The following SLC26A8 variants were observed in gnomAD, a reference collection of about 807,000 sequenced individuals.
The protein encoded by SLC26A8 is testis anion transporter 1.
In SLC26A8, 70 loss-of-function variants were observed where a neutral mutation model predicts 105.0. The ratio of observed to expected loss-of-function variants is 0.67; its 90% CI spans 0.55 to 0.81. The LOEUF is 0.81. SLC26A8 is among the 40% of genes least tolerant of loss of function. The pLI is 0.00. For missense variants in SLC26A8, 998 were observed against 1,181.8 expected (o/e 0.84, Z 2.28); for synonymous variants, 415 against 438.3 (o/e 0.95, Z 0.66).
intron 9 of SLC26A8, among the ~76,000 whole-genome samples, chr6:35,975,868 G>A (rs1361556999): frequency 7.3e-6 from 1 of 137,168 alleles, no homozygotes; most frequent in Non-Finnish European, 1.5e-5. Flanking sequence ...AGCCGAGATT[G>A]CACCATTGCA....
chr6:35,969,774 T>G (rs1364498525), intron 10 of SLC26A8: 1 of 152,122 alleles, frequency 6.6e-6, no homozygotes, highest in African/African-American at 2.4e-5. Flanking sequence ...ACTTCCCATT[T>G]TCCTGCTTTA....
intron 8 of SLC26A8, among the ~76,000 whole-genome samples, chr6:35,978,585 T>C (rs536155007): frequency 6.6e-6 from 1 of 152,188 alleles, no homozygotes; most frequent in Non-Finnish European, 1.5e-5. Flanking sequence ...TTCCTTCTGA[T>C]AAATTATATA....
Position 35,992,583 on chromosome 6 carries a change from A to C in SLC26A8, c.719T>G (p.Ile240Ser). ...SAYLAAVALH[I>S]MLSQLTFIFG... ...GATGAAAGTCAGCTGGGACAGCATG[A>C]TATGAAGTGCCACAGCAGCCAGGTA... The change falls in exon 6 of 20, where the codon ATC becomes AGC. Residue 240 changes from isoleucine to serine, a missense_variant. Physicochemically the swap from Ile to Ser is moderately radical, Grantham distance 142. Coordinates refer to ENST00000490799, the MANE Select transcript of SLC26A8 (RefSeq NM_052961.4). 1 of 1,614,214 alleles carries C rather than the reference A, an allele frequency of 6.2e-7. No individual in the cohort carries two copies. Among genetic ancestry groups the C allele is most frequent in the Non-Finnish European group, 8.5e-7 (1 of 1,180,026 alleles).
At chr6:35,948,567 C>T (rs576475873) in intron 19 of SLC26A8, among the ~76,000 whole-genome samples, 63 of 151,958 alleles carry the variant, frequency 4.1e-4, no homozygotes, top group Middle Eastern at 6.8e-3. Context: ...CCAGACTGGG[C>T]GACAAAGTGA....
chr6:36,017,301 A>G (rs186337833), intron 2 of SLC26A8, among the ~76,000 whole-genome samples: 28 of 152,320 alleles, frequency 1.8e-4, no homozygotes, highest in East Asian at 1.5e-3. Context: ...CCAGGCAACA[A>G]AAGAAAATAC....
At chr6:35,993,552 T>G (rs1230963513) in intron 5 of SLC26A8, among the ~76,000 whole-genome samples, 1 of 152,132 alleles carries the variant, frequency 6.6e-6, no homozygotes, top group African/African-American at 2.4e-5. Flanking sequence ...CATGTCAATA[T>G]GCATATGTAA....
intron 3 of SLC26A8, among the ~76,000 whole-genome samples, chr6:36,010,058 T>C (rs918954951): frequency 6.6e-6 from 1 of 152,178 alleles, no homozygotes; most frequent in Non-Finnish European, 1.5e-5. Context: ...TCTTATAAAG[T>C]TAAACATACA....
chr6:35,982,907 G>A (rs532479829), intron 7 of SLC26A8, among the ~76,000 whole-genome samples: 2 of 152,250 alleles, frequency 1.3e-5, no homozygotes, highest in East Asian at 1.9e-4. Flanking sequence ...TCTAAAAATG[G>A]CAATTCTCCC....
intron 3 of SLC26A8, among the ~76,000 whole-genome samples, chr6:36,000,405 C>A (rs1761486969): frequency 1.3e-5 from 2 of 152,128 alleles, no homozygotes; most frequent in African/African-American, 4.8e-5. Flanking sequence ...AGCAATAAGA[C>A]CCCTAATTCC....
At chr6:35,980,680 G>A (rs1773232402) in intron 8 of SLC26A8, among the ~76,000 whole-genome samples, 1 of 152,008 alleles carries the variant, frequency 6.6e-6, no homozygotes, top group African/African-American at 2.4e-5. Flanking sequence ...TTGAGAACTG[G>A]GTAGGTTATG....
In SLC26A8 at chr6:35,944,200, C is replaced by G. The variant is rs1485604306; in HGVS notation, c.2613G>C (p.Gly871=). ...GATCCAGGTCTAGGTCCAGACCCAG[C>G]CCAGCCTCTTGTTCTGATTCCAGCT... ...DLELESEQEA[G]LGLDLDLDRE... is the part of the protein sequence containing the mutation. The change falls in exon 20 of 20, where the codon GGG becomes GGC. Residue 871 remains glycine, a synonymous_variant. Coordinates refer to ENST00000490799, the MANE Select transcript of SLC26A8 (RefSeq NM_052961.4). 11 of 1,613,684 alleles carry G rather than the reference C, an allele frequency of 6.8e-6. No individual in the cohort carries two copies. The Middle Eastern group carries it at 1.2e-3, about 169-fold the overall frequency.
intron 3 of SLC26A8, among the ~76,000 whole-genome samples, chr6:36,007,935 G>A (rs981688453): frequency 1.3e-5 from 2 of 151,486 alleles, no homozygotes; most frequent in South Asian, 2.1e-4. Flanking sequence ...CCTGGCTAAC[G>A]CGGTGAAACC....
Position 36,019,509 on chromosome 6 carries a change from GAC to G in SLC26A8, c.188+9_188+10del. 1 of 1,609,752 alleles carries G rather than the reference GAC, an allele frequency of 6.2e-7. No individual in the cohort carries two copies. The highest frequency in any genetic ancestry group is 8.5e-7 in the Non-Finnish European group (1 of 1,178,088). ...CGGCTCGGCAGCAGGTGAAAGATTG[GAC>G]ACACGCACCGGCACTGGACGTGGTG... On this transcript the variant is annotated intron_variant, in intron 2 of 19. Transcript: ENST00000490799.
intron 8 of SLC26A8, among the ~76,000 whole-genome samples, chr6:35,979,339 G>A (rs962605229): frequency 5.9e-5 from 9 of 152,058 alleles, no homozygotes; most frequent in African/African-American, 9.6e-5. Flanking sequence ...AGCCGGGCGT[G>A]GTGGCAGGTG....
chr6:35,987,562 C>T (rs1166785814), intron 7 of SLC26A8, among the ~76,000 whole-genome samples: 1 of 152,088 alleles, frequency 6.6e-6, no homozygotes, highest in African/African-American at 2.4e-5. Context: ...TTAGTAGAAA[C>T]AGGGTTTCAC....
intron 11 of SLC26A8, among the ~76,000 whole-genome samples, chr6:35,964,166 G>A (rs1398690759): frequency 2.0e-5 from 3 of 152,124 alleles, no homozygotes; most frequent in Non-Finnish European, 4.4e-5. Flanking sequence ...GTGTGATCAT[G>A]CCACTGCACT....
chr6:35,959,612 C>A, intron 15 of SLC26A8, 21 bp from the exon 16 acceptor site: 1 of 1,610,254 alleles, frequency 6.2e-7, no homozygotes, highest in South Asian at 1.1e-5. Flanking sequence ...TGAGAGGTCT[C>A]ATCCAGAGGA....
chr6:35,992,617 T>C lies in SLC26A8; in HGVS notation c.685A>G (p.Met229Val). The change falls in exon 6 of 20, where the codon ATG becomes GTG. Residue 229 changes from methionine to valine, a missense_variant. Physicochemically the swap from Met to Val is conservative, Grantham distance 21 (BLOSUM62 1). Coordinates refer to ENST00000490799, the MANE Select transcript of SLC26A8 (RefSeq NM_052961.4). ...GCCACAGCAGCCAGGTAAGCACTCA[T>C]TGCAGACTCCGGAAGGTAAGTGGCA... ...FIATYLPESA[M>V]SAYLAAVALH... The C allele has an allele frequency of 1.2e-6, 2 of 1,614,068 alleles. No homozygotes were observed. The highest frequency in any genetic ancestry group is 1.6e-4 in the Middle Eastern group (1 of 6,062).
At chr6:35,978,494 G>T (rs1235075409) in intron 8 of SLC26A8, among the ~76,000 whole-genome samples, 2 of 152,032 alleles carry the variant, frequency 1.3e-5, no homozygotes, top group East Asian at 3.9e-4. Flanking sequence ...GATAAGGTTT[G>T]CTATTTGAAA....
Sources: gnomAD v4.1 joint callset for allele counts (sites outside exome capture counted in the v4.1 genomes callset) on GRCh38, gnomAD v4.1.1 for gene constraint, MANE v1.5 for transcripts, NCBI Gene and HGNC (gene_info 2026-07-23, HGNC 2026-07-21) for gene names.